Variants in RREB1 observed in about 807,000 individuals in gnomAD.
RREB1 encodes the protein ras responsive element binding protein 1, also known as ras-responsive element-binding protein 1.
Under a neutral mutation model 117.8 loss-of-function variants are expected in RREB1, and 27 were observed. That is an observed-to-expected ratio of 0.23 (90% confidence interval 0.17 to 0.32). RREB1 has a LOEUF of 0.32. Ranked by LOEUF, RREB1 falls within the 10% of genes least tolerant of loss-of-function variation. The pLI, the probability that RREB1 is intolerant of heterozygous loss-of-function variation, is 1.00. For synonymous variants in RREB1, 1,298 were observed against 1,026.7 expected (o/e 1.26, Z -5.05); for missense variants, 2,577 against 2,378.2 (o/e 1.08, Z -1.74).
intron 2 of RREB1, among the ~76,000 whole-genome samples, chr6:7,178,324 C>T (rs559882494): frequency 2.0e-5 from 3 of 152,182 alleles, no homozygotes; most frequent in East Asian, 3.9e-4. Flanking sequence ...TTTTATTCCC[C>T]GAGATTGAGT....
intron 11 of RREB1, among the ~76,000 whole-genome samples, chr6:7,246,029 A>C (rs1768994781): frequency 6.6e-6 from 1 of 152,154 alleles, no homozygotes; most frequent in Non-Finnish European, 1.5e-5. Context: ...GCACTGGAAA[A>C]ATAACTTATA....
At chr6:7,167,572 C>G (rs1473840425) in intron 1 of RREB1, among the ~76,000 whole-genome samples, 1 of 152,106 alleles carries the variant, frequency 6.6e-6, no homozygotes, top group Admixed American at 6.5e-5. Flanking sequence ...CCAGGCTGGT[C>G]TCGAACTCCT....
At chr6:7,192,302 C>T (rs1283252819) in intron 6 of RREB1, among the ~76,000 whole-genome samples, 1 of 151,832 alleles carries the variant, frequency 6.6e-6, no homozygotes, top group African/African-American at 2.4e-5. Context: ...AAGTGATTCT[C>T]CTGCCTCAGC....
Position 7,246,473 on chromosome 6 carries a change from C to A in RREB1, c.4023C>A (p.Asp1341Glu), listed in dbSNP as rs201158768. The change falls in exon 12 of 13, where the codon GAC (aspartate) becomes GAA (glutamate). Residue 1341 changes from aspartate (D) to glutamate (E), a missense_variant. Coordinates refer to ENST00000379938, the MANE Select transcript of RREB1 (RefSeq NM_001003699.4). Reference protein sequence around the residue: ...ETAAAAGEVLDLTSRDREQPS... With the variant: ...ETAAAAGEVLELTSRDREQPS... ...CAGCCGCCGCGGGCGAAGTGCTAGA[C>A]CTCACCTCACGGGACAGAGAGCAGC... The A allele has an allele frequency of 3.9e-6, 6 of 1,536,768 alleles. No homozygotes were observed. The highest frequency in any genetic ancestry group is 4.4e-6 in the Non-Finnish European group (5 of 1,140,190).
Position 7,176,452 on chromosome 6 carries a change from C to T in RREB1, c.-284-203C>T, listed in dbSNP as rs191851362. On this transcript the variant is annotated intron_variant, in intron 1 of 12. Coordinates refer to ENST00000379938, the MANE Select transcript of RREB1 (RefSeq NM_001003699.4). ...TAGGGGTGTTCCTGTCTGTTCAAGG[C>T]ACACTCAGTTCCAAGCTCTTACTTG... 1.3e-3 allele frequency among the ~76,000 whole-genome samples: 191 copies of T among 152,256 alleles called. 2 individuals are homozygous for T. Among genetic ancestry groups the T allele is most frequent in the African/African-American group, 4.1e-3 (172 of 41,546 alleles).
intron 9 of RREB1, among the ~76,000 whole-genome samples, chr6:7,228,716 C>G (rs1323743540): frequency 1.3e-5 from 2 of 151,842 alleles, no homozygotes; most frequent in African/African-American, 4.8e-5. Flanking sequence ...CTATGTTGCC[C>G]AGGCTAGTCA....
intron 8 of RREB1, among the ~76,000 whole-genome samples, chr6:7,226,081 G>C (rs1767569328): frequency 6.6e-6 from 1 of 152,142 alleles, no homozygotes; most frequent in Non-Finnish European, 1.5e-5. Context: ...ACAATAATTA[G>C]AATCCAGTGA....
Position 7,229,281 on chromosome 6 carries a change from G to T in RREB1, c.1182G>T (p.Gln394His). Residue 394 changes from glutamine (Q) to histidine (H), a missense_variant, in exon 10 of 13, where the codon CAG becomes CAT. Gln to His is a conservative substitution (Grantham distance 24, BLOSUM62 0). Coordinates refer to ENST00000379938, the MANE Select transcript of RREB1 (RefSeq NM_001003699.4). This position sits in a 1 kb window ranked among gnomAD's most constrained non-coding sequence, Gnocchi z 4.5. ...LPDDNQAIQL[Q>H]TLKCQLPQDP... ...ATGACAACCAGGCAATTCAGCTCCA[G>T]ACACTCAAGTGTCAGCTACCTCAGG... The T allele has an allele frequency of 6.2e-7, 1 of 1,614,124 alleles. No homozygotes were observed.
At chr6:7,109,443 C>T (rs1761027135) in intron 1 of RREB1, among the ~76,000 whole-genome samples, 1 of 151,994 alleles carries the variant, frequency 6.6e-6, no homozygotes, top group Non-Finnish European at 1.5e-5. Flanking sequence ...GAGGATGTGA[C>T]CTGCTCCGCG....
intron 4 of RREB1, among the ~76,000 whole-genome samples, chr6:7,182,719 T>A (rs1764873290): frequency 6.6e-6 from 1 of 152,252 alleles, no homozygotes; most frequent in African/African-American, 2.4e-5. Context: ...CTTGGCAACA[T>A]ACTGTTGAAC....
Position 7,226,519 on chromosome 6 carries a change from A to G in RREB1, c.760A>G (p.Asn254Asp), listed in dbSNP as rs770686882. Reference sequence around the variant, plus strand: ...AACACATCGAGGACTGCTGCGTCACAACGCGCTTGTCCACAAACAACTTCC... The same window carrying G: ...AACACATCGAGGACTGCTGCGTCACGACGCGCTTGTCCACAAACAACTTCC... Reference protein sequence around the residue: ...FRTHRGLLRHNALVHKQLPRD... With the variant: ...FRTHRGLLRHDALVHKQLPRD... The change falls in exon 9 of 13, where the codon AAC becomes GAC. Residue 254 changes from asparagine to aspartate, a missense_variant. Coordinates refer to ENST00000379938, the MANE Select transcript of RREB1 (RefSeq NM_001003699.4). 1.5e-5 allele frequency: 25 copies of G among 1,614,050 alleles called. No individual in the cohort carries two copies. Among genetic ancestry groups the G allele is most frequent in the Non-Finnish European group, 1.9e-5 (23 of 1,180,026 alleles).
Position 7,230,557 on chromosome 6 carries a change from G to C in RREB1, c.2458G>C (p.Asp820His). The C allele has an allele frequency of 1.2e-6, 2 of 1,600,754 alleles. No homozygotes were observed. The highest frequency in any genetic ancestry group is 2.7e-5 in the African/African-American group (2 of 74,942). Residue 820 changes from aspartate (D) to histidine (H), a missense_variant, in exon 10 of 13, where the codon GAC becomes CAC. Transcript: ENST00000379938. ...GCAGCACCTGCACGTGCCCGAGCAG[G>C]ACATCGAGAGCTACGTGCTGGCCGC... ...LKQHLHVPEQ[D>H]IESYVLAADG...
chr6:7,156,983 G>A (rs899959386), intron 1 of RREB1, among the ~76,000 whole-genome samples: 1 of 152,200 alleles, frequency 6.6e-6, no homozygotes, highest in Non-Finnish European at 1.5e-5. Context: ...GTCCCTGGCT[G>A]TTGGGGAGGA....
At position 7,230,633 on chromosome 6, in the gene RREB1, G is replaced by C; in HGVS notation, c.2534G>C (p.Gly845Ala). The C allele has an allele frequency of 6.2e-7, 1 of 1,604,598 alleles. No homozygotes were observed. Among genetic ancestry groups the C allele is most frequent in the Non-Finnish European group, 8.5e-7 (1 of 1,175,958 alleles). Residue 845 changes from glycine to alanine, a missense_variant, in exon 10 of 13, where the codon GGG becomes GCG. By Grantham distance (60) the Gly-to-Ala change is moderately conservative. Coordinates refer to ENST00000379938, the MANE Select transcript of RREB1 (RefSeq NM_001003699.4). ...EAPAAEASGR[G>A]EDSGCAALGD... ...CCGGCCGCTGAGGCGTCGGGGCGCG[G>C]GGAGGACAGTGGCTGCGCTGCCCTT...
intron 1 of RREB1, among the ~76,000 whole-genome samples, chr6:7,137,301 G>A (rs574235504): frequency 3.9e-5 from 6 of 152,160 alleles, no homozygotes; most frequent in Admixed American, 2.6e-4. Flanking sequence ...TTATAGACTC[G>A]GGTACAGGGA....
chr6:7,117,210 A>T (rs144169657), intron 1 of RREB1, among the ~76,000 whole-genome samples: 106 of 152,124 alleles, frequency 7.0e-4, no homozygotes, highest in Admixed American at 2.2e-3. Context: ...GTTTTAAGGG[A>T]GCTCCCTTTA....
At chr6:7,232,724 C>G (rs557133642) in intron 10 of RREB1, among the ~76,000 whole-genome samples, 1 of 150,614 alleles carries the variant, frequency 6.6e-6, no homozygotes, top group South Asian at 2.1e-4. Context: ...CTTAAATTGT[C>G]AAAGTGATAC....
At chr6:7,246,021 A>C (rs1390766372) in intron 11 of RREB1, among the ~76,000 whole-genome samples, 1 of 152,152 alleles carries the variant, frequency 6.6e-6, no homozygotes, top group Non-Finnish European at 1.5e-5. Flanking sequence ...ATCTCTTTGC[A>C]CTGGAAAAAT....
Position 7,231,199 on chromosome 6 carries a change from G to T in RREB1, c.3100G>T (p.Ala1034Ser), listed in dbSNP as rs779477088. Residue 1034 changes from alanine to serine, a missense_variant, in exon 10 of 13, where the codon GCC (alanine) becomes TCC (serine). Ala to Ser is a moderately conservative substitution (Grantham distance 99). Coordinates refer to ENST00000379938, the MANE Select transcript of RREB1 (RefSeq NM_001003699.4). Reference sequence around the variant, plus strand: ...CAGCCCTCCACTCGTGGGCAGCTCAGCCCTCCTGAGTGGCACAGCCTTGCT... The same window carrying T: ...CAGCCCTCCACTCGTGGGCAGCTCATCCCTCCTGAGTGGCACAGCCTTGCT... The part of the protein sequence containing the change: ...VSSPPLVGSS[A>S]LLSGTALLRP... 1.2e-6 allele frequency: 2 copies of T among 1,611,758 alleles called. No homozygotes were observed. Among genetic ancestry groups the T allele is most frequent in the Admixed American group, 3.3e-5 (2 of 60,008 alleles).
Sources: gnomAD v4.1 joint callset for allele counts (sites outside exome capture counted in the v4.1 genomes callset) on GRCh38, gnomAD v4.1.1 for gene constraint, Gnocchi (gnomAD v3.1) non-coding constraint, MANE v1.5 for transcripts, NCBI Gene and HGNC (gene_info 2026-07-23, HGNC 2026-07-21) for gene names.